Variants in TRPM3 observed in about 807,000 individuals in gnomAD.
The protein encoded by TRPM3 is transient receptor potential cation channel subfamily M member 3.
TRPM3 carries 77 observed loss-of-function variants against 181.2 expected under a neutral mutation model. The observed-to-expected ratio is 0.42, with a 90% CI of 0.35 to 0.51. TRPM3 has a LOEUF of 0.51. Ranked by LOEUF, TRPM3 falls within the 20% of genes least tolerant of loss-of-function variation. TRPM3 has a pLI of 0.01. For missense variants in TRPM3, 1,759 were observed against 2,196.7 expected (o/e 0.80, Z 3.98); for synonymous variants, 745 against 796.4 (o/e 0.94, Z 1.09).
intron 6 of TRPM3, among the ~76,000 whole-genome samples, chr9:70,819,199 T>C (rs1304503938): frequency 6.6e-6 from 1 of 152,148 alleles, no homozygotes; most frequent in East Asian, 1.9e-4. Context: ...TTGTAGGATG[T>C]TAACATTCCT....
At chr9:70,586,654 G>A (rs1308727181) in intron 22 of TRPM3, among the ~76,000 whole-genome samples, 9 of 152,154 alleles carry the variant, frequency 5.9e-5, no homozygotes, top group Admixed American at 2.0e-4. Context: ...CACTCCCCAC[G>A]CTATAGCTGT....
chr9:70,979,666 C>A (rs1450841645), intron 1 of TRPM3, among the ~76,000 whole-genome samples: 3 of 152,136 alleles, frequency 2.0e-5, no homozygotes, highest in Admixed American at 1.3e-4. Flanking sequence ...GCAGCCACCC[C>A]CTACCCACAC....
intron 1 of TRPM3, among the ~76,000 whole-genome samples, chr9:71,275,254 A>G (rs2084106610): frequency 6.6e-6 from 1 of 152,228 alleles, no homozygotes; most frequent in Non-Finnish European, 1.5e-5. Context: ...TTCTCCAGCA[A>G]CAAAGCTTTA....
At chr9:71,287,669 A>T (rs993459376) in intron 1 of TRPM3, among the ~76,000 whole-genome samples, 1 of 151,176 alleles carries the variant, frequency 6.6e-6, no homozygotes. Flanking sequence ...TATTAATGCT[A>T]TAATACAATT....
At chr9:70,948,720 T>C (rs1359680534) in intron 1 of TRPM3, among the ~76,000 whole-genome samples, 52 of 152,186 alleles carry the variant, frequency 3.4e-4, no homozygotes, top group Admixed American at 3.4e-3. Context: ...GCATTTATGC[T>C]CTCCAGAACT....
chr9:71,095,622 G>A (rs2067013819), intron 1 of TRPM3, among the ~76,000 whole-genome samples: 1 of 151,912 alleles, frequency 6.6e-6, no homozygotes, highest in African/African-American at 2.4e-5. Flanking sequence ...AGCCGGGCAT[G>A]GTGGCATGCG....
In TRPM3 at chr9:70,869,293, T is replaced by A. The variant is rs936265895; in HGVS notation, c.178-4782A>T. 2.0e-5 allele frequency among the ~76,000 whole-genome samples: 3 copies of A among 151,810 alleles called. No individual in the cohort carries two copies. In the East Asian group the frequency reaches 5.9e-4, roughly 30 times the overall value. On this transcript the variant is annotated intron_variant, in intron 1 of 25. Transcript: ENST00000677713. ...AATCTGACGCCAGAAGAAAAACAAATCCCCGGAGAGATCGGATTTAACTGG... is the reference window on the plus strand; with the variant it reads ...AATCTGACGCCAGAAGAAAAACAAAACCCCGGAGAGATCGGATTTAACTGG...
upstream of TRPM3, among the ~76,000 whole-genome samples, chr9:71,125,146 G>C (rs1011847881): frequency 6.6e-6 from 1 of 152,118 alleles, no homozygotes; most frequent in Non-Finnish European, 1.5e-5. Flanking sequence ...CGTCTTGCTT[G>C]CTTAATGATT....
intron 12 of TRPM3, among the ~76,000 whole-genome samples, chr9:70,634,768 T>C (rs759548132): frequency 3.9e-5 from 6 of 152,230 alleles, no homozygotes; most frequent in Non-Finnish European, 8.8e-5. Flanking sequence ...TTTTAGTCCC[T>C]GTTTTTAGAA....
At chr9:70,611,921 C>T (rs1031054738) in intron 18 of TRPM3, among the ~76,000 whole-genome samples, 1 of 152,160 alleles carries the variant, frequency 6.6e-6, no homozygotes, top group Non-Finnish European at 1.5e-5. Context: ...GAGTTCCAGG[C>T]CCTGGGTCAC....
At chr9:71,250,213 C>A (rs988832333) in intron 1 of TRPM3, among the ~76,000 whole-genome samples, 2 of 152,066 alleles carry the variant, frequency 1.3e-5, no homozygotes, top group African/African-American at 2.4e-5. Flanking sequence ...AATTGAATAG[C>A]TATTTACAAC....
intron 1 of TRPM3, among the ~76,000 whole-genome samples, chr9:70,912,423 C>G (rs2096547616): frequency 6.6e-6 from 1 of 152,168 alleles, no homozygotes; most frequent in Non-Finnish European, 1.5e-5. Flanking sequence ...AAAAACAACT[C>G]TCCTAAGATG....
chr9:71,162,199 C>CAAAAAAAAA (rs35947110), intron 1 of TRPM3, among the ~76,000 whole-genome samples: 10 of 74,142 alleles, frequency 1.3e-4, no homozygotes, highest in East Asian at 4.2e-4. Context: ...GACTCTGTCT[C>CAAAAAAAAA]AAAAAAAAAA....
chr9:70,631,603 A>G (rs2065877070), intron 12 of TRPM3, among the ~76,000 whole-genome samples: 1 of 152,218 alleles, frequency 6.6e-6, no homozygotes, highest in Admixed American at 6.5e-5. Flanking sequence ...GTTATATTCC[A>G]CAGAAAAGCA....
intron 1 of TRPM3, among the ~76,000 whole-genome samples, chr9:71,056,633 A>G (rs962886322): frequency 2.6e-5 from 4 of 152,068 alleles, no homozygotes; most frequent in Non-Finnish European, 5.9e-5. Flanking sequence ...CCCTAAACCA[A>G]TATGACTGGT....
chr9:70,957,709 C>T (rs547262643), intron 1 of TRPM3, among the ~76,000 whole-genome samples: 1 of 152,288 alleles, frequency 6.6e-6, no homozygotes, highest in South Asian at 2.1e-4. Context: ...TGCTGCTTCC[C>T]TTTCCTCCAA....
intron 1 of TRPM3, among the ~76,000 whole-genome samples, chr9:71,424,813 C>T (rs1116529): frequency 0.98 from 148,729 of 152,242 alleles, 72,739 homozygotes; most frequent in East Asian, 1. Context: ...TCTCATTTCT[C>T]CTGCTCCCTT....
At chr9:70,851,112 C>T (rs1009504516) in intron 3 of TRPM3, among the ~76,000 whole-genome samples, 5 of 152,110 alleles carry the variant, frequency 3.3e-5, no homozygotes, top group African/African-American at 9.7e-5. Flanking sequence ...CTAGCCACTG[C>T]GCCACTACAC....
At chr9:71,424,063 G>A (rs1021552994) in intron 1 of TRPM3, among the ~76,000 whole-genome samples, 26 of 152,088 alleles carry the variant, frequency 1.7e-4, no homozygotes, top group Admixed American at 1.3e-3. Context: ...GTGCCTTTGA[G>A]CTCCACCCAA....
Sources: allele counts gnomAD v4.1 joint callset (sites outside exome capture counted in the v4.1 genomes callset), GRCh38; gene constraint gnomAD v4.1.1; transcripts MANE v1.5; gene names NCBI Gene and HGNC (gene_info 2026-07-23, HGNC 2026-07-21).